MEIKIN: variants seen among roughly 807,000 people sequenced by gnomAD.
The protein encoded by MEIKIN is meiosis-specific kinetochore protein.
intron 8 of MEIKIN, among the ~76,000 whole-genome samples, chr5:131,896,601 T>C (rs947199281): frequency 2.0e-5 from 3 of 152,140 alleles, no homozygotes; most frequent in Admixed American, 6.5e-5. Flanking sequence ...ATAGTTAGCT[T>C]TTCTTGTTGA....
At chr5:131,889,881 G>A (rs1750876130) in intron 8 of MEIKIN, among the ~76,000 whole-genome samples, 5 of 152,230 alleles carry the variant, frequency 3.3e-5, no homozygotes, top group Admixed American at 6.5e-5. Context: ...TTTGAGATAC[G>A]TCCCATCAAT....
chr5:131,865,059 TTC>T (rs1459329058), intron 9 of MEIKIN, among the ~76,000 whole-genome samples: 4 of 152,170 alleles, frequency 2.6e-5, no homozygotes, highest in African/African-American at 9.7e-5. Flanking sequence ...TTTCCAGAAT[TTC>T]TGTTTGGTTC....
intron 11 of MEIKIN, among the ~76,000 whole-genome samples, chr5:131,844,043 G>A (rs551734770): frequency 5.9e-5 from 9 of 152,250 alleles, no homozygotes; most frequent in African/African-American, 2.2e-4. Flanking sequence ...AATGTGAGGT[G>A]GAAGCAAGCA....
intron 9 of MEIKIN, among the ~76,000 whole-genome samples, chr5:131,874,207 G>C (rs893188905): frequency 3.5e-4 from 53 of 152,150 alleles, no homozygotes; most frequent in African/African-American, 1.2e-3. Flanking sequence ...GAATCCAGGA[G>C]CTGGTTTTTT....
At chr5:131,940,771 A>G (rs965497642) in intron 4 of MEIKIN, among the ~76,000 whole-genome samples, 1 of 152,200 alleles carries the variant, frequency 6.6e-6, no homozygotes, top group Non-Finnish European at 1.5e-5. Context: ...CTGTCCGGCC[A>G]GTGTCCACAC....
intron 11 of MEIKIN, among the ~76,000 whole-genome samples, chr5:131,837,469 T>C (rs13356733): frequency 6.6e-6 from 1 of 152,142 alleles, no homozygotes; most frequent in South Asian, 2.1e-4. Flanking sequence ...GTTAACGATG[T>C]TGATTCTTTC....
At chr5:131,940,489 G>C (rs1751851053) in intron 4 of MEIKIN, among the ~76,000 whole-genome samples, 2 of 152,074 alleles carry the variant, frequency 1.3e-5, no homozygotes, top group Non-Finnish European at 2.9e-5. Context: ...CAGATATTTA[G>C]TTTTGTGCCA....
Position 131,909,057 on chromosome 5 carries a change from T to C in MEIKIN, c.703+2758A>G, listed in dbSNP as rs188094333. On this transcript the variant is annotated intron_variant, in intron 8 of 12. Transcript: ENST00000442687. The stretch of plus-strand genomic sequence containing the variant: ...ATCAAAATATCAATGAAATTCTTCA[T>C]ACAAATAAAGTACTAAAATCTATAT... Among the ~76,000 whole-genome samples, 484 of 152,056 alleles carry C rather than the reference T, an allele frequency of 3.2e-3. 3 individuals are homozygous for C. The highest frequency in any genetic ancestry group is 0.011 in the African/African-American group (461 of 41,552).
At chr5:131,924,551 G>T (rs1041567513) in intron 5 of MEIKIN, among the ~76,000 whole-genome samples, 10 of 152,070 alleles carry the variant, frequency 6.6e-5, no homozygotes, top group African/African-American at 2.4e-4. Flanking sequence ...CTGTGGTTTT[G>T]ATTTGCATGT....
chr5:131,903,624 G>C (rs1206792265), intron 8 of MEIKIN, among the ~76,000 whole-genome samples: 4 of 152,078 alleles, frequency 2.6e-5, no homozygotes, highest in Non-Finnish European at 5.9e-5. Flanking sequence ...CTTACAACTG[G>C]TCCTAAAAGG....
intron 4 of MEIKIN, among the ~76,000 whole-genome samples, chr5:131,934,135 T>A (rs771694353): frequency 6.6e-6 from 1 of 151,744 alleles, no homozygotes; most frequent in Non-Finnish European, 1.5e-5. Context: ...TTTTTTATTT[T>A]TTTTTTTAGT....
intron 11 of MEIKIN, among the ~76,000 whole-genome samples, chr5:131,820,897 C>G (rs906110496): frequency 6.6e-6 from 1 of 152,046 alleles, no homozygotes; most frequent in Non-Finnish European, 1.5e-5. Flanking sequence ...CTTGGGTCTT[C>G]TTTTTTTCTT....
At position 131,825,159 on chromosome 5, in the gene MEIKIN, C is replaced by T. The variant is rs113941292; in HGVS notation, c.976-6296G>A. Among the ~76,000 whole-genome samples the T allele has an allele frequency of 3.5e-3, 527 of 152,178 alleles. 4 individuals are homozygous for T. Among genetic ancestry groups the T allele is most frequent in the South Asian group, 8.1e-3 (39 of 4,818 alleles). ...AGGATACGGTGATCCATGATCTTAC[C>T]ACTGCACTCCAGCCTGGGTGACAGA... On this transcript the variant is annotated intron_variant, in intron 11 of 12. Coordinates refer to ENST00000442687, the MANE Select transcript of MEIKIN (RefSeq NM_001303622.2).
intron 11 of MEIKIN, among the ~76,000 whole-genome samples, chr5:131,831,377 G>T (rs1749712873): frequency 6.6e-6 from 1 of 152,142 alleles, no homozygotes; most frequent in South Asian, 2.1e-4. Flanking sequence ...AAGTAAGACT[G>T]CTGTCTCAAC....
intron 12 of MEIKIN, among the ~76,000 whole-genome samples, chr5:131,811,626 T>G (rs1238179260): frequency 1.5e-5 from 2 of 134,438 alleles, no homozygotes; most frequent in African/African-American, 5.6e-5. Flanking sequence ...TTTTTTTTTT[T>G]GAGATGCAGT....
At chr5:131,835,247 T>C (rs1749786297) in intron 11 of MEIKIN, among the ~76,000 whole-genome samples, 1 of 150,772 alleles carries the variant, frequency 6.6e-6, no homozygotes, top group African/African-American at 2.5e-5. Flanking sequence ...TATATGTGTA[T>C]ATATATGATA....
intron 12 of MEIKIN, among the ~76,000 whole-genome samples, chr5:131,818,233 C>A (rs1773137290): frequency 6.6e-6 from 1 of 152,126 alleles, no homozygotes; most frequent in South Asian, 2.1e-4. Flanking sequence ...AAAACATCTC[C>A]ACATCTCTAA....
intron 11 of MEIKIN, among the ~76,000 whole-genome samples, chr5:131,819,420 G>C: frequency 8.0e-6 from 1 of 124,968 alleles, no homozygotes; most frequent in Non-Finnish European, 1.7e-5. Flanking sequence ...GAGGCAGAGG[G>C]GGAGGGAGAG....
At chr5:131,820,472 T>C (rs1334955565) in intron 11 of MEIKIN, among the ~76,000 whole-genome samples, 2 of 152,222 alleles carry the variant, frequency 1.3e-5, no homozygotes, top group African/African-American at 2.4e-5. Flanking sequence ...TCAGAGATAC[T>C]GGTTTATAAT....
Sources: allele counts gnomAD v4.1 joint callset (sites outside exome capture counted in the v4.1 genomes callset), GRCh38; gene constraint gnomAD v4.1.1; transcripts MANE v1.5; gene names NCBI Gene and HGNC (gene_info 2026-07-23, HGNC 2026-07-21).